Variants in LRRC71 observed in about 807,000 individuals in gnomAD.
LRRC71 encodes the protein leucine rich repeat containing 71.
Under a neutral mutation model 66.6 loss-of-function variants are expected in LRRC71, and 54 were observed. The ratio of observed to expected loss-of-function variants is 0.81; its 90% confidence interval spans 0.65 to 1.02. The LOEUF (loss-of-function observed/expected upper bound fraction) is 1.02. Among genes scored for constraint, LRRC71 ranks in the 50% least tolerant of loss-of-function variants. The probability of loss-of-function intolerance (pLI) is 0.00; values close to 1 mark genes in which losing one functional copy is unlikely to be tolerated. For synonymous variants in LRRC71, 323 were observed against 303.9 expected (o/e 1.06, Z -0.65); for missense variants, 724 against 718.0 (o/e 1.01, Z -0.10).
chr1:156,930,203 C>T (rs1411786758), intron 11 of LRRC71, among the ~76,000 whole-genome samples: 2 of 151,500 alleles, frequency 1.3e-5, no homozygotes, highest in Non-Finnish European at 2.9e-5. Context: ...AGCAGTTCTC[C>T]TGCCCCAGCT....
chr1:156,929,660 T>G lies in LRRC71; in HGVS notation c.1171T>G (p.Leu391Val). 1.3e-6 allele frequency: 2 copies of G among 1,587,456 alleles called. No homozygotes were observed. The highest frequency in any genetic ancestry group is 1.7e-6 in the Non-Finnish European group (2 of 1,166,944). The change falls in exon 11 of 15, where the codon TTG (leucine) becomes GTG (valine). Residue 391 changes from leucine (L) to valine (V), a missense_variant. Leu to Val is a conservative substitution (Grantham distance 32). Transcript: ENST00000337428. ...SWELAKKEEK[L>V]GSGQSPTQGT... ...GGAATTGGCCAAGAAAGAGGAGAAG[T>G]TGGGGTCTGGGCAGTCACCCACACA...
At chr1:156,928,371 CT>C (rs1653616637) in intron 9 of LRRC71, among the ~76,000 whole-genome samples, 1 of 119,896 alleles carries the variant, frequency 8.3e-6, no homozygotes, top group Non-Finnish European at 1.7e-5. Context: ...TCCTCTTCTT[CT>C]TCTTCTTCTT....
downstream of LRRC71, among the ~76,000 whole-genome samples, chr1:156,937,796 C>A (rs1049198262): frequency 6.6e-6 from 1 of 152,228 alleles, no homozygotes; most frequent in African/African-American, 2.4e-5. Flanking sequence ...GTGGCTCCCC[C>A]TCCTTGAGTA....
At chr1:156,927,351 C>G in intron 6 of LRRC71, 81 bp downstream of exon 6, 2 of 1,551,256 alleles carry the variant, frequency 1.3e-6, no homozygotes, top group Non-Finnish European at 8.8e-7. Flanking sequence ...CCTTCCTTGT[C>G]CCCCTACCAT....
chr1:156,932,021 C>T lies in LRRC71; in HGVS notation c.1435C>T (p.Leu479Phe). Residue 479 changes from leucine (L) to phenylalanine (F), a missense_variant, in exon 13 of 15, where the codon CTC becomes TTC. Transcript: ENST00000337428. ...GAACAAGGTCCTTTTGCACCTCAACCTCATCCGTATGTCTGCCAACCTCCC... is the reference window on the plus strand; with the variant it reads ...GAACAAGGTCCTTTTGCACCTCAACTTCATCCGTATGTCTGCCAACCTCCC... The part of the protein sequence containing the change: ...PGNKVLLHLN[L>F]IRNRITEVGL... The T allele has an allele frequency of 1.3e-6, 2 of 1,589,668 alleles. No homozygotes were observed. The highest frequency in any genetic ancestry group is 1.7e-6 in the Non-Finnish European group (2 of 1,167,262).
chr1:156,930,614 C>T lies in LRRC71; in HGVS notation c.1326C>T (p.Ser442=), dbSNP rs376786642. The T allele has an allele frequency of 9.6e-5, 149 of 1,560,000 alleles. No homozygotes were observed. Among genetic ancestry groups the T allele is most frequent in the Non-Finnish European group, 1.1e-4 (124 of 1,151,892 alleles). The part of the protein sequence containing the change: ...SREKRSILLE[S]ELVVEATEVV... ...AGAAGCGCAGCATCCTCCTGGAGTC[C>T]GAGGTAAGTTGCCAGGAGGAGTGGA... is the stretch of plus-strand genomic sequence containing the variant. The change falls in exon 12 of 15, where the codon TCC becomes TCT. Residue 442 remains serine, a synonymous_variant. Transcript: ENST00000337428.
the LRRC71 span, chr1:156,940,255 G>A: frequency 6.2e-7 from 1 of 1,609,820 alleles, no homozygotes; most frequent in Admixed American, 1.7e-5. Flanking sequence ...AGAGGGCCTG[G>A]GAAGGCCAAG....
chr1:156,933,043 C>A lies in LRRC71; in HGVS notation c.*74C>A. ...CCTGTCCCTGTGTGGGGTGACCTCC[C>A]TGGGGGAGATCTCAGACCAATAACA... On this transcript the variant is annotated 3_prime_UTR_variant, in exon 15 of 15. Coordinates refer to ENST00000337428, the MANE Select transcript of LRRC71 (RefSeq NM_144702.3). 9.4e-7 allele frequency: 1 copy of A among 1,066,732 alleles called. No individual in the cohort carries two copies. 66.1% of individuals were successfully genotyped at this position (1,066,732 alleles called of 1,614,324 possible).
rs2101580893 is a variant in LRRC71, at chr1:156,920,917, A to G, written c.114A>G (p.Pro38=). The G allele has an allele frequency of 1.3e-6, 2 of 1,541,496 alleles. No homozygotes were observed. The highest frequency in any genetic ancestry group is 1.8e-6 in the Non-Finnish European group (2 of 1,142,606). ...GAGAGCGCGCGGCCAAAGAGAAGCC[A>G]GCGACCGTTCTGCCTCCCGTGGGGG... The part of the protein sequence containing the change: ...KKGERAAKEK[P]ATVLPPVGEE... The change falls in exon 1 of 15, where the codon CCA becomes CCG. Residue 38 remains proline (P), a synonymous_variant. Transcript: ENST00000337428. The surrounding 1 kb of genome is among the most constrained non-coding windows in gnomAD (Gnocchi z 4.9).
At chr1:156,936,484 A>AAAAAAAAAT (rs1173029208), downstream of LRRC71, among the ~76,000 whole-genome samples, 2 of 78,096 alleles carry the variant, frequency 2.6e-5, no homozygotes, top group African/African-American at 5.8e-5. Flanking sequence ...TAAATAGAAA[A>AAAAAAAAAT]AAAAAAAAAA....
chr1:156,930,040 C>CTTT, intron 11 of LRRC71, among the ~76,000 whole-genome samples: 1 of 139,782 alleles, frequency 7.2e-6, no homozygotes, highest in Non-Finnish European at 1.5e-5. Flanking sequence ...CTTTTTCTTT[C>CTTT]TTTCTCTTTC....
chr1:156,940,724 A>G, the LRRC71 span, among the ~76,000 whole-genome samples: 4 of 152,222 alleles, frequency 2.6e-5, no homozygotes, highest in African/African-American at 7.2e-5. Flanking sequence ...GAAGAAAACA[A>G]CAACAGGGCA....
chr1:156,926,901 GTCCACAC>G (rs1432461346), intron 5 of LRRC71, among the ~76,000 whole-genome samples: 1 of 152,160 alleles, frequency 6.6e-6, no homozygotes, highest in Non-Finnish European at 1.5e-5. Context: ...CTAATGTGAA[GTCCACAC>G]TCAAGGGGAA....
chr1:156,932,303 G>A, intron 13 of LRRC71, 121 bp from the exon 14 acceptor site: 1 of 788,094 alleles, frequency 1.3e-6, no homozygotes, highest in Non-Finnish European at 2.1e-6. Flanking sequence ...GGAAAGGTGT[G>A]CCTGGGCCAG....
downstream of LRRC71, chr1:156,937,395 C>T (rs1655685337): frequency 6.2e-7 from 1 of 1,600,314 alleles, no homozygotes; most frequent in African/African-American, 1.3e-5. Flanking sequence ...TCTGTCTGCC[C>T]TGCAGGGAGG....
Position 156,924,416 on chromosome 1 carries a change from C to A in LRRC71, c.311-8C>A. 6.5e-7 allele frequency: 1 copy of A among 1,549,442 alleles called. No homozygotes were observed. Among genetic ancestry groups the A allele is most frequent in the Non-Finnish European group, 8.7e-7 (1 of 1,146,756 alleles). ...CTGTTCCCCTCCCTCCTCACCTCTG[C>A]CTTCCAGACGATCCGCGGCTGTCGG... On this transcript the variant is annotated splice_polypyrimidine_tract_variant and splice_region_variant and intron_variant, in intron 2 of 14. Transcript: ENST00000337428.
chr1:156,928,363 C>CTTCTTCTTCTTCTTCTTCTTCTTCT (rs1653584959), intron 9 of LRRC71, among the ~76,000 whole-genome samples: 29 of 98,820 alleles, frequency 2.9e-4, no homozygotes, highest in African/African-American at 1.0e-3. Context: ...CTTCTTCTTC[C>CTTCTTCTTCTTCTTCTTCTTCTTCT]TCTTCTTCTT....
downstream of LRRC71, among the ~76,000 whole-genome samples, chr1:156,936,496 AAATATATATATAT>A (rs1470871605): frequency 3.9e-5 from 3 of 77,720 alleles, no homozygotes; most frequent in Non-Finnish European, 7.0e-5. Flanking sequence ...AAAAAAAAAA[AAATATATATATAT>A]ATATATATAT....
chr1:156,937,482 C>T (rs769274309), downstream of LRRC71: 10 of 1,525,424 alleles, frequency 6.6e-6, no homozygotes, highest in Admixed American at 2.2e-4. Flanking sequence ...GGCATGCTGA[C>T]ATAAAAGCAG....
Sources: gnomAD v4.1 joint callset for allele counts (sites outside exome capture counted in the v4.1 genomes callset) on GRCh38, gnomAD v4.1.1 for gene constraint, Gnocchi (gnomAD v3.1) non-coding constraint, MANE v1.5 for transcripts, NCBI Gene and HGNC (gene_info 2026-07-23, HGNC 2026-07-21) for gene names.